Variants in RNF180 observed in about 807,000 individuals in gnomAD.
RNF180 encodes E3 ubiquitin-protein ligase RNF180.
RNF180 carries 38 observed loss-of-function variants against 59.2 expected under a neutral mutation model. That is an observed-to-expected ratio of 0.64 (90% CI 0.50 to 0.84). RNF180 has a LOEUF of 0.84. Ranked by LOEUF, RNF180 falls within the 40% of genes least tolerant of loss-of-function variation. The pLI, the probability that RNF180 is intolerant of heterozygous loss-of-function variation, is 0.00. For synonymous variants in RNF180, 262 were observed against 240.3 expected, an observed-to-expected ratio of 1.09 and a Z score of -0.84; for missense variants, 705 against 700.9, an observed-to-expected ratio of 1.01 and a Z score of -0.07.
At chr5:64,353,682 T>C (rs185486743) in intron 7 of RNF180, among the ~76,000 whole-genome samples, 246 of 151,980 alleles carry the variant, frequency 1.6e-3, no homozygotes, top group African/African-American at 5.6e-3. Context: ...TGTTTACTTT[T>C]GATATTTAAA....
intron 5 of RNF180, among the ~76,000 whole-genome samples, chr5:64,293,363 G>A (rs556784822): frequency 7.2e-5 from 11 of 152,096 alleles, no homozygotes; most frequent in Admixed American, 3.9e-4. Flanking sequence ...GAATTCACTC[G>A]CCATTTTCAT....
intron 5 of RNF180, among the ~76,000 whole-genome samples, chr5:64,233,024 G>C (rs1465280509): frequency 1.3e-5 from 2 of 152,180 alleles, no homozygotes; most frequent in African/African-American, 4.8e-5. Context: ...GGTCCATAAT[G>C]AGAAGCAACA....
chr5:64,191,019 G>T (rs1561177175), intron 1 of RNF180, among the ~76,000 whole-genome samples: 1 of 152,026 alleles, frequency 6.6e-6, no homozygotes, highest in African/African-American at 2.4e-5. Flanking sequence ...TCAAAAGAAG[G>T]GTGTAAAAAC....
intron 1 of RNF180, among the ~76,000 whole-genome samples, chr5:64,173,939 C>T (rs930075182): frequency 6.6e-6 from 1 of 152,144 alleles, no homozygotes; most frequent in African/African-American, 2.4e-5. Context: ...TGTTCTCAAA[C>T]ACCTGACCTC....
chr5:64,337,547 G>A (rs1390518970), intron 7 of RNF180, among the ~76,000 whole-genome samples: 3 of 151,732 alleles, frequency 2.0e-5, no homozygotes, highest in Non-Finnish European at 4.4e-5. Flanking sequence ...GGGTACATGT[G>A]CACAATGTGC....
At chr5:64,196,547 G>GT (rs1341891209) in intron 1 of RNF180, among the ~76,000 whole-genome samples, 1 of 151,960 alleles carries the variant, frequency 6.6e-6, no homozygotes, top group Non-Finnish European at 1.5e-5. Context: ...ATATTGAATA[G>GT]TTTTTCACCC....
chr5:64,255,122 C>G (rs1301069703), intron 5 of RNF180, among the ~76,000 whole-genome samples: 2 of 152,046 alleles, frequency 1.3e-5, no homozygotes, highest in African/African-American at 4.8e-5. Flanking sequence ...ATTATTAAAC[C>G]ATTATCTAAA....
At chr5:64,271,119 G>C (rs1340584935) in intron 5 of RNF180, among the ~76,000 whole-genome samples, 1 of 151,958 alleles carries the variant, frequency 6.6e-6, no homozygotes, top group Non-Finnish European at 1.5e-5. Context: ...CTGTGTATCT[G>C]AACTAAAAGT....
rs750323473 is a variant in RNF180, at chr5:64,214,378, A to C, written c.1052A>C (p.His351Pro). The C allele has an allele frequency of 1.9e-6, 3 of 1,613,812 alleles. No homozygotes were observed. Among genetic ancestry groups the C allele is most frequent in the Non-Finnish European group, 1.7e-6 (2 of 1,179,988 alleles). The change falls in exon 4 of 8, where the codon CAC becomes CCC. Residue 351 changes from histidine to proline, a missense_variant. Physicochemically the swap from His to Pro is moderately conservative, Grantham distance 77. Transcript: ENST00000389100. ...SMPEASDQEE[H>P]LSPLDFLHSA... ...CCGGAGGCCTCAGACCAGGAAGAGC[A>C]CCTCTCCCCTCTGGACTTCCTGCAC...
intron 5 of RNF180, among the ~76,000 whole-genome samples, chr5:64,257,560 A>T (rs1480452819): frequency 6.6e-6 from 1 of 152,098 alleles, no homozygotes; most frequent in Non-Finnish European, 1.5e-5. Context: ...AGCCCACTTG[A>T]TCATGGTGGA....
chr5:64,369,467 A>T (rs80194452), intron 7 of RNF180, 148 bp from the exon 8 acceptor site: 11 of 133,806 alleles, frequency 8.2e-5, no homozygotes, highest in African/African-American at 4.8e-4. Flanking sequence ...TAATAATAAT[A>T]AAAAAAAAAG....
intron 1 of RNF180, among the ~76,000 whole-genome samples, chr5:64,175,532 A>G (rs979415797): frequency 6.6e-6 from 1 of 152,136 alleles, no homozygotes. Flanking sequence ...TTTGTAGTAT[A>G]TTTTGAAGCC....
chr5:64,258,026 A>C (rs1744088915), intron 5 of RNF180, among the ~76,000 whole-genome samples: 1 of 152,192 alleles, frequency 6.6e-6, no homozygotes, highest in Non-Finnish European at 1.5e-5. Flanking sequence ...AATAACAGCA[A>C]ACTTTGCATG....
chr5:64,251,820 C>T (rs921852918), intron 5 of RNF180, among the ~76,000 whole-genome samples: 1 of 151,800 alleles, frequency 6.6e-6, no homozygotes, highest in Admixed American at 6.6e-5. Context: ...TCTGAAAAAC[C>T]AGTAAAAACA....
At position 64,173,949 on chromosome 5, in the gene RNF180, C is replaced by T. The variant is rs150676021; in HGVS notation, c.-1+7996C>T. ...CAGGCTGTTCTCAAACACCTGACCT[C>T]GTGATCCACCTGCCTTGGCCTCCCG... is the stretch of plus-strand genomic sequence containing the variant. On this transcript the variant is annotated intron_variant, in intron 1 of 7. Coordinates refer to ENST00000389100, the MANE Select transcript of RNF180 (RefSeq NM_001113561.2). Among the ~76,000 whole-genome samples, 153 of 152,196 alleles carry T rather than the reference C, an allele frequency of 1.0e-3. 1 individual carries two copies. Among genetic ancestry groups the T allele is most frequent in the African/African-American group, 2.4e-3 (98 of 41,528 alleles).
At chr5:64,256,878 T>G (rs1258430327) in intron 5 of RNF180, among the ~76,000 whole-genome samples, 1 of 152,190 alleles carries the variant, frequency 6.6e-6, no homozygotes, top group East Asian at 1.9e-4. Flanking sequence ...TTTATTTCGT[T>G]GAGCAGTGGT....
At chr5:64,339,247 C>T (rs1745261048) in intron 7 of RNF180, among the ~76,000 whole-genome samples, 1 of 151,756 alleles carries the variant, frequency 6.6e-6, no homozygotes, top group Non-Finnish European at 1.5e-5. Flanking sequence ...TTTATTAAAT[C>T]CTTTCTGTTA....
intron 5 of RNF180, among the ~76,000 whole-genome samples, chr5:64,255,553 T>C (rs1743891729): frequency 6.6e-6 from 1 of 152,244 alleles, no homozygotes; most frequent in East Asian, 1.9e-4. Flanking sequence ...GGCTGCATAG[T>C]ATTCCATGGT....
At chr5:64,253,646 T>C (rs770981718) in intron 5 of RNF180, among the ~76,000 whole-genome samples, 7 of 152,166 alleles carry the variant, frequency 4.6e-5, no homozygotes, top group Non-Finnish European at 1.0e-4. Context: ...CTCAGGAGTT[T>C]TATGCACAGG....
Sources: allele counts gnomAD v4.1 joint callset (sites outside exome capture counted in the v4.1 genomes callset), GRCh38; gene constraint gnomAD v4.1.1; transcripts MANE v1.5; gene names NCBI Gene and HGNC (gene_info 2026-07-23, HGNC 2026-07-21).